Variants in ARPP21 observed in about 807,000 individuals in gnomAD.
ARPP21 encodes cAMP-regulated phosphoprotein 21.
Under a neutral mutation model 113.2 loss-of-function variants are expected in ARPP21, and 69 were observed. The observed-to-expected ratio is 0.61, with a 90% CI of 0.50 to 0.74. ARPP21 has a LOEUF of 0.74. Ranked by LOEUF, ARPP21 falls within the 30% of genes least tolerant of loss-of-function variation. The pLI, the probability that ARPP21 is intolerant of heterozygous loss-of-function variation, is 0.00. For synonymous variants in ARPP21, 368 were observed against 375.5 expected (o/e 0.98, Z 0.23); for missense variants, 1,070 against 1,037.4 (o/e 1.03, Z -0.43).
At position 35,722,127 on chromosome 3, in the gene ARPP21, A is replaced by G. The variant is rs776798986; in HGVS notation, c.1225+293A>G. 1.5e-4 allele frequency among the ~76,000 whole-genome samples: 23 copies of G among 152,158 alleles called. 1 individual carries two copies. Among genetic ancestry groups the G allele is most frequent in the Admixed American group, 3.9e-4 (6 of 15,270 alleles). ...TAGTGTTTATGTATTTAATTTAAGC[A>G]CTTAAGTTTACTTATTTAAGTTTAC... On this transcript the variant is annotated intron_variant, in intron 14 of 20. Transcript: ENST00000684406.
chr3:35,753,029 G>A (rs13324425), intron 19 of ARPP21, among the ~76,000 whole-genome samples: 2,153 of 147,884 alleles, frequency 0.015, 37 homozygotes, highest in African/African-American at 0.051. Context: ...TTTTCACTTT[G>A]GTATGGCAGG....
At chr3:35,721,514 C>G (rs1028641989) in intron 13 of ARPP21, 91 bp from the exon 14 acceptor site, 4 of 735,732 alleles carry the variant, frequency 5.4e-6, no homozygotes, top group Non-Finnish European at 9.4e-6. Context: ...GTGTGGATCA[C>G]CTTCCAAGAA....
chr3:35,771,378 G>C (rs2151516378), intron 19 of ARPP21, among the ~76,000 whole-genome samples: 1 of 152,082 alleles, frequency 6.6e-6, no homozygotes, highest in East Asian at 1.9e-4. Flanking sequence ...GCCCAGGCTG[G>C]AGTGCAGTGG....
chr3:35,667,091 A>G (rs2074564926), intron 1 of ARPP21, among the ~76,000 whole-genome samples: 1 of 152,194 alleles, frequency 6.6e-6, no homozygotes, highest in African/African-American at 2.4e-5. Context: ...TGCTTAATGT[A>G]TCTATGACTC....
At chr3:35,737,549 T>G (rs1326351913) in intron 16 of ARPP21, among the ~76,000 whole-genome samples, 187 bp downstream of exon 16, 1 of 152,180 alleles carries the variant, frequency 6.6e-6, no homozygotes, top group African/African-American at 2.4e-5. Flanking sequence ...TAGATAGAGG[T>G]GAGTGCCCCA....
chr3:35,715,110 C>T (rs994753702), intron 11 of ARPP21: 4 of 237,770 alleles, frequency 1.7e-5, no homozygotes, highest in African/African-American at 9.0e-5. Context: ...AGCTCTGCAG[C>T]TCCAGAAGAA....
chr3:35,666,016 A>G (rs1045725479), intron 1 of ARPP21, among the ~76,000 whole-genome samples: 1 of 152,032 alleles, frequency 6.6e-6, no homozygotes, highest in Non-Finnish European at 1.5e-5. Flanking sequence ...CAGAACCTCA[A>G]CTCCAACCTT....
At chr3:35,661,213 T>C (rs549249596) in intron 1 of ARPP21, among the ~76,000 whole-genome samples, 23 of 152,304 alleles carry the variant, frequency 1.5e-4, no homozygotes, top group South Asian at 6.2e-4. Flanking sequence ...AATACAAATC[T>C]CAGCCTTGTA....
chr3:35,782,181 T>G (rs2096540084), intron 19 of ARPP21, among the ~76,000 whole-genome samples: 1 of 152,204 alleles, frequency 6.6e-6, no homozygotes, highest in Non-Finnish European at 1.5e-5. Flanking sequence ...CCTGTTTCAG[T>G]TTCTTCATGG....
At chr3:35,723,925 G>A (rs2093331835) in intron 14 of ARPP21, among the ~76,000 whole-genome samples, 1 of 152,108 alleles carries the variant, frequency 6.6e-6, no homozygotes, top group Non-Finnish European at 1.5e-5. Context: ...TTCCCAAGAT[G>A]GATTTATGAA....
chr3:35,699,501 T>C (rs1276185926), intron 9 of ARPP21, among the ~76,000 whole-genome samples: 1 of 151,738 alleles, frequency 6.6e-6, no homozygotes, highest in African/African-American at 2.4e-5. Context: ...AATTGGAATC[T>C]ATCAAGAGCA....
At chr3:35,749,120 A>G (rs1052177310) in intron 19 of ARPP21, among the ~76,000 whole-genome samples, 11 of 152,334 alleles carry the variant, frequency 7.2e-5, no homozygotes, top group Middle Eastern at 3.4e-3. Context: ...CATGTTATAG[A>G]GGCAGGTAAT....
At chr3:35,736,590 T>C (rs2094365999) in intron 15 of ARPP21, among the ~76,000 whole-genome samples, 1 of 152,252 alleles carries the variant, frequency 6.6e-6, no homozygotes, top group South Asian at 2.1e-4. Flanking sequence ...TGTGATGTAC[T>C]ACTTTTAAAA....
In ARPP21 at chr3:35,730,578, T is replaced by C. The variant is rs554962381; in HGVS notation, c.1459+1042T>C. Among the ~76,000 whole-genome samples, 3 of 152,366 alleles carry C rather than the reference T, an allele frequency of 2.0e-5. No individual in the cohort carries two copies. In the South Asian group the frequency reaches 6.2e-4, roughly 32 times the overall value. ...CTAGTCACTTCTTAAGATGTCTTTATTAGAGACTGGCAATAAATGGAGTTG... is the reference window on the plus strand; with the variant it reads ...CTAGTCACTTCTTAAGATGTCTTTACTAGAGACTGGCAATAAATGGAGTTG... On this transcript the variant is annotated intron_variant, in intron 15 of 20. Transcript: ENST00000684406.
chr3:35,734,534 C>A (rs192437207), intron 15 of ARPP21, among the ~76,000 whole-genome samples: 94 of 152,274 alleles, frequency 6.2e-4, no homozygotes, highest in African/African-American at 2.2e-3. Flanking sequence ...ATTTGCTTCC[C>A]CATCACAGCA....
intron 1 of ARPP21, chr3:35,678,742 T>G (rs899563446): frequency 2.1e-4 from 32 of 151,964 alleles, no homozygotes; most frequent in Non-Finnish European, 4.3e-4. Flanking sequence ...GAACCAGCTG[T>G]GCTCATTTAA....
At chr3:35,772,942 T>C (rs1304195479) in intron 19 of ARPP21, among the ~76,000 whole-genome samples, 1 of 152,142 alleles carries the variant, frequency 6.6e-6, no homozygotes, top group Non-Finnish European at 1.5e-5. Flanking sequence ...TATTTTTGCC[T>C]ACAGCTGGCT....
chr3:35,657,787 C>T (rs894349801), intron 1 of ARPP21, among the ~76,000 whole-genome samples: 9 of 152,064 alleles, frequency 5.9e-5, no homozygotes, highest in African/African-American at 2.2e-4. Context: ...AAAGTAATCT[C>T]CAAGCCCGAA....
At chr3:35,732,578 A>C (rs951228774) in intron 15 of ARPP21, among the ~76,000 whole-genome samples, 2 of 152,220 alleles carry the variant, frequency 1.3e-5, no homozygotes, top group Non-Finnish European at 2.9e-5. Context: ...GGAAATTTTT[A>C]GCAGAAAGCT....
Sources: allele counts gnomAD v4.1 joint callset (sites outside exome capture counted in the v4.1 genomes callset), GRCh38; gene constraint gnomAD v4.1.1; transcripts MANE v1.5; gene names NCBI Gene and HGNC (gene_info 2026-07-23, HGNC 2026-07-21).